ASH2L: variants seen among roughly 807,000 people sequenced by gnomAD.
ASH2L encodes set1/Ash2 histone methyltransferase complex subunit ASH2.
In ASH2L, 30 loss-of-function variants were observed where a neutral mutation model predicts 81.1. The ratio of observed to expected loss-of-function variants is 0.37; its 90% CI spans 0.28 to 0.50. The LOEUF is 0.50. ASH2L is among the 20% of genes least tolerant of loss of function. The pLI is 0.95. For missense variants in ASH2L, 559 were observed against 792.1 expected (o/e 0.71, Z 3.53); for synonymous variants, 273 against 279.9 (o/e 0.98, Z 0.24).
rs766304625 is a variant in ASH2L, at chr8:38,132,148, CAT to C, written c.1528-1305_1528-1304del. ...AAGCGTGAGCCACTGCGCTCGGCCA[CAT>C]GTGTGTGTTTTAATTTTGAAGACAA... is the stretch of plus-strand genomic sequence containing the variant. On this transcript the variant is annotated intron_variant, in intron 12 of 15. Coordinates refer to ENST00000343823, the MANE Select transcript of ASH2L (RefSeq NM_004674.5). Among the ~76,000 whole-genome samples the C allele has an allele frequency of 8.5e-5, 13 of 152,180 alleles. No individual in the cohort carries two copies. The East Asian group carries it at 2.1e-3, about 25-fold the overall frequency.
intron 12 of ASH2L, among the ~76,000 whole-genome samples, chr8:38,132,758 C>G (rs1318654433): frequency 6.7e-6 from 1 of 149,312 alleles, no homozygotes; most frequent in African/African-American, 2.5e-5. Context: ...AAGATCACAC[C>G]ACTGCATTCC....
chr8:38,139,072 C>G lies in ASH2L; in HGVS notation c.*1C>G. On this transcript the variant is annotated 3_prime_UTR_variant, in exon 16 of 16. Coordinates refer to ENST00000343823, the MANE Select transcript of ASH2L (RefSeq NM_004674.5). ...GCGCAGTCCCCCATGGGAACCCTGA[C>G]CAGGTCCCTCTTTTCTGTCAAGGAC... 1 of 1,575,464 alleles carries G rather than the reference C, an allele frequency of 6.3e-7. No homozygotes were observed. Among genetic ancestry groups the G allele is most frequent in the Non-Finnish European group, 8.6e-7 (1 of 1,159,192 alleles).
At chr8:38,114,814 G>C in intron 6 of ASH2L, 91 bp from the exon 7 acceptor site, 1 of 811,402 alleles carries the variant, frequency 1.2e-6, no homozygotes, top group Non-Finnish European at 2.0e-6. Context: ...ACTGCACCTA[G>C]GAATTGACTT....
At chr8:38,115,312 TG>T (rs1291845302) in intron 7 of ASH2L, among the ~76,000 whole-genome samples, 1 of 152,260 alleles carries the variant, frequency 6.6e-6, no homozygotes, top group Non-Finnish European at 1.5e-5. Context: ...CTAATCTTCC[TG>T]CCATCTTAAA....
intron 6 of ASH2L, 21 bp downstream of exon 6, chr8:38,114,308 T>G: frequency 2.8e-6 from 4 of 1,410,442 alleles, no homozygotes; most frequent in Non-Finnish European, 3.9e-6. Context: ...TAAAATTGAT[T>G]AGACTTGACA....
chr8:38,131,046 A>C (rs929338047), intron 12 of ASH2L, among the ~76,000 whole-genome samples: 10 of 152,170 alleles, frequency 6.6e-5, no homozygotes, highest in African/African-American at 2.4e-4. Flanking sequence ...TCTGTATTTC[A>C]GTGATCTGTT....
At chr8:38,123,008 C>T (rs1279195847) in intron 10 of ASH2L, among the ~76,000 whole-genome samples, 1 of 151,870 alleles carries the variant, frequency 6.6e-6, no homozygotes, top group African/African-American at 2.4e-5. Flanking sequence ...CTCAGCCTCC[C>T]AGGGTCTTGG....
intron 5 of ASH2L, among the ~76,000 whole-genome samples, chr8:38,112,149 G>C (rs192996279): frequency 5.9e-5 from 9 of 152,180 alleles, no homozygotes; most frequent in Non-Finnish European, 1.5e-5. Context: ...TGGGATTCCA[G>C]GCGCATGCTA....
Position 38,139,291 on chromosome 8 carries a change from A to G in ASH2L, c.*220A>G, listed in dbSNP as rs571651225. 4.1e-6 allele frequency: 2 copies of G among 491,594 alleles called. No individual in the cohort carries two copies. The highest frequency in any genetic ancestry group is 3.1e-5 in the East Asian group (1 of 31,786). 30.5% of individuals were successfully genotyped at this position (491,594 alleles called of 1,614,324 possible). ...TTATTTTGTGTACCATAAGCCAACAACCGCTGACTCCAGGATTGCATAAGC... is the reference window on the plus strand; with the variant it reads ...TTATTTTGTGTACCATAAGCCAACAGCCGCTGACTCCAGGATTGCATAAGC... On this transcript the variant is annotated 3_prime_UTR_variant, in exon 16 of 16. Transcript: ENST00000343823.
At chr8:38,106,611 G>A (rs1260569392) in intron 2 of ASH2L, among the ~76,000 whole-genome samples, 167 bp downstream of exon 2, 2 of 150,774 alleles carry the variant, frequency 1.3e-5, no homozygotes, top group Non-Finnish European at 3.0e-5. Context: ...GGGTTCCAGC[G>A]ATTCTCCTGC....
chr8:38,127,241 G>A (rs143593992), intron 10 of ASH2L, among the ~76,000 whole-genome samples: 1 of 149,824 alleles, frequency 6.7e-6, no homozygotes, highest in East Asian at 2.0e-4. Context: ...GCCAACACAA[G>A]AAGATCGCCT....
rs554157193 is a variant in ASH2L at position 38,139,405 on chromosome 8, G to C, written c.*334G>C. The C allele has an allele frequency of 5.2e-6, 1 of 193,156 alleles. No homozygotes were observed. Among genetic ancestry groups the C allele is most frequent in the African/African-American group, 2.3e-5 (1 of 43,098 alleles). The allele number at this position is 193,156 out of a possible 1,614,324, so 12.0% of individuals were successfully genotyped here. A position where few individuals can be genotyped will look rare whatever the true frequency, so the allele number is the denominator to read the frequency against. Reference sequence around the variant, plus strand: ...TTCTAAGGAGTGAATAATATTGTCCGAGTAACTAACTTATTTAAAAGACAT... The same window carrying C: ...TTCTAAGGAGTGAATAATATTGTCCCAGTAACTAACTTATTTAAAAGACAT... On this transcript the variant is annotated 3_prime_UTR_variant, in exon 16 of 16. Transcript: ENST00000343823.
intron 3 of ASH2L, among the ~76,000 whole-genome samples, chr8:38,108,162 A>G (rs1810534251): frequency 6.6e-6 from 1 of 152,120 alleles, no homozygotes; most frequent in Non-Finnish European, 1.5e-5. Context: ...AGAAATGCTG[A>G]TGTCTTAATT....
intron 3 of ASH2L, 92 bp downstream of exon 3, chr8:38,107,258 G>T: frequency 1.3e-6 from 2 of 1,522,824 alleles, no homozygotes; most frequent in South Asian, 1.2e-5. Flanking sequence ...TAAATGCAAA[G>T]TATTTCCTAT....
chr8:38,119,423 G>A, intron 9 of ASH2L, 60 bp downstream of exon 9: 2 of 1,325,114 alleles, frequency 1.5e-6, no homozygotes, highest in Non-Finnish European at 2.0e-6. Context: ...TGCTGGGAAA[G>A]TCCAGCAGAG....
Position 38,125,230 on chromosome 8 carries a change from A to T in ASH2L, c.1166-3061A>T, listed in dbSNP as rs540991024. Among the ~76,000 whole-genome samples, 9 of 152,344 alleles carry T rather than the reference A, an allele frequency of 5.9e-5. No individual in the cohort carries two copies. The South Asian group carries it at 1.2e-3, about 21-fold the overall frequency. On this transcript the variant is annotated intron_variant, in intron 10 of 15. Transcript: ENST00000343823. ...GATTTTAACAGTTCAAGATTTTGCC[A>T]TGTTTGCTTTATCTGTTTATTTCTT... is the stretch of plus-strand genomic sequence containing the variant.
Position 38,105,679 on chromosome 8 carries a change from T to C in ASH2L, c.129T>C (p.Pro43=). 6.3e-7 allele frequency: 1 copy of C among 1,587,362 alleles called. No homozygotes were observed. Among genetic ancestry groups the C allele is most frequent in the Non-Finnish European group, 8.6e-7 (1 of 1,168,238 alleles). ...TGGCAGCGGGAGCAGCCGCTCCTCC[T>C]GGAGAGGGGATCTCTGCTGCTCCGA... ...KPVAAGAAAP[P]GEGISAAPTV... Residue 43 remains proline, a synonymous_variant, in exon 1 of 16, where the codon CCT becomes CCC. Transcript: ENST00000343823.
At chr8:38,105,789 G>C (rs1810395021) in intron 1 of ASH2L, 51 bp downstream of exon 1, 1 of 1,491,762 alleles carries the variant, frequency 6.7e-7, no homozygotes, top group Non-Finnish European at 8.9e-7. Flanking sequence ...CCCGCCCCTC[G>C]CGAATCCCGC....
chr8:38,130,207 T>C (rs1486234006), intron 12 of ASH2L, among the ~76,000 whole-genome samples: 1 of 150,106 alleles, frequency 6.7e-6, no homozygotes, highest in African/African-American at 2.4e-5. Flanking sequence ...TTAATATTGC[T>C]ATTCTGAGAC....
Sources: gnomAD v4.1 joint callset for allele counts (sites outside exome capture counted in the v4.1 genomes callset) on GRCh38, gnomAD v4.1.1 for gene constraint, MANE v1.5 for transcripts, NCBI Gene and HGNC (gene_info 2026-07-23, HGNC 2026-07-21) for gene names.